MACROD2: variants seen among roughly 807,000 people sequenced by gnomAD.
MACROD2 encodes the protein ADP-ribose glycohydrolase MACROD2.
A neutral mutation model predicts 70.4 loss-of-function variants in MACROD2; 36 were observed. The ratio of observed to expected loss-of-function variants is 0.51; its 90% CI spans 0.39 to 0.68. MACROD2 has a LOEUF of 0.68. Among genes scored for constraint, MACROD2 ranks in the 30% least tolerant of loss-of-function variants. The pLI, the probability that MACROD2 is intolerant of heterozygous loss-of-function variation, is 0.00. For synonymous variants in MACROD2, 172 were observed against 178.8 expected, an observed-to-expected ratio of 0.96 and a Z score of 0.30; for missense variants, 496 against 538.4, an observed-to-expected ratio of 0.92 and a Z score of 0.78.
intron 8 of MACROD2, among the ~76,000 whole-genome samples, chr20:15,696,695 TTTGGTAA>T: frequency 6.6e-6 from 1 of 150,872 alleles, no homozygotes; most frequent in African/African-American, 2.4e-5. Flanking sequence ...TTTTTTTTTT[TTTGGTAA>T]TTTTTTAGTT....
chr20:14,696,196 A>G (rs1036727855), intron 5 of MACROD2, among the ~76,000 whole-genome samples: 4 of 152,160 alleles, frequency 2.6e-5, no homozygotes, highest in African/African-American at 4.8e-5. Flanking sequence ...CGATAGATAG[A>G]TAGATAGTCA....
Position 15,000,629 on chromosome 20 carries a change from C to CAAAAA in MACROD2, c.419-229283_419-229279dup, listed in dbSNP as rs398040701. On this transcript the variant is annotated intron_variant, in intron 5 of 17. Transcript: ENST00000684519. ...TGGGCGACAGAGCGAGACTCCGTCT[C>CAAAAA]AAAAAAAAAAAAAAAAAAAAAAAAA... Among the ~76,000 whole-genome samples the CAAAAA allele has an allele frequency of 7.4e-3, 162 of 21,934 alleles. 24 individuals are homozygous for CAAAAA. The highest frequency in any genetic ancestry group is 0.013 in the African/African-American group (54 of 4,152). 14.4% of individuals were successfully genotyped at this position (21,934 alleles called of 152,430 possible).
intron 5 of MACROD2, among the ~76,000 whole-genome samples, chr20:15,046,079 T>C (rs2075392311): frequency 6.6e-6 from 1 of 152,152 alleles, no homozygotes; most frequent in Non-Finnish European, 1.5e-5. Context: ...TTGAATAATG[T>C]ATATATTTAA....
chr20:15,636,245 C>A (rs1418010597), intron 8 of MACROD2, among the ~76,000 whole-genome samples: 1 of 151,996 alleles, frequency 6.6e-6, no homozygotes, highest in African/African-American at 2.4e-5. Flanking sequence ...ACTTTTGTAT[C>A]CTCAAGTGCT....
At chr20:15,580,653 T>G (rs1206602963) in intron 8 of MACROD2, among the ~76,000 whole-genome samples, 1 of 152,166 alleles carries the variant, frequency 6.6e-6, no homozygotes, top group Non-Finnish European at 1.5e-5. Flanking sequence ...AAACTTCCTC[T>G]TTACCCTCTG....
At chr20:15,794,970 C>A (rs535202917) in intron 8 of MACROD2, among the ~76,000 whole-genome samples, 1 of 152,028 alleles carries the variant, frequency 6.6e-6, no homozygotes, top group Non-Finnish European at 1.5e-5. Context: ...CTTTCCTACC[C>A]CCCACCCAAC....
intron 4 of MACROD2, among the ~76,000 whole-genome samples, chr20:14,503,726 A>C (rs1158763102): frequency 6.6e-6 from 1 of 152,226 alleles, no homozygotes; most frequent in Admixed American, 6.5e-5. Context: ...CTAAAAATCC[A>C]CTAACTCTGC....
At chr20:15,212,442 G>T (rs192821971) in intron 5 of MACROD2, among the ~76,000 whole-genome samples, 4 of 152,056 alleles carry the variant, frequency 2.6e-5, no homozygotes, top group East Asian at 3.9e-4. Flanking sequence ...TTTTTTTGGC[G>T]CTTTGTTATA....
chr20:15,559,842 G>A (rs2048218838), intron 8 of MACROD2, among the ~76,000 whole-genome samples: 1 of 152,136 alleles, frequency 6.6e-6, no homozygotes, highest in Non-Finnish European at 1.5e-5. Context: ...TGGAGTCAAT[G>A]GATAGAAAGA....
intron 5 of MACROD2, among the ~76,000 whole-genome samples, chr20:15,106,193 C>T (rs2075909439): frequency 6.6e-6 from 1 of 152,226 alleles, no homozygotes; most frequent in African/African-American, 2.4e-5. Context: ...TTATAGCATG[C>T]CACTGTCTTG....
chr20:14,600,327 C>T (rs867448854), intron 4 of MACROD2, among the ~76,000 whole-genome samples: 2 of 128,754 alleles, frequency 1.6e-5, no homozygotes, highest in Non-Finnish European at 1.6e-5. Context: ...TATGCAGCTA[C>T]ATATATATAT....
At chr20:15,983,664 C>G (rs1436264779) in intron 13 of MACROD2, among the ~76,000 whole-genome samples, 1 of 152,150 alleles carries the variant, frequency 6.6e-6, no homozygotes, top group African/African-American at 2.4e-5. Flanking sequence ...TGTAGAATCT[C>G]AGAAAAGAGC....
chr20:14,300,436 G>A (rs6105243), intron 3 of MACROD2, among the ~76,000 whole-genome samples: 41,186 of 152,000 alleles, frequency 0.27, 5,812 homozygotes, highest in African/African-American at 0.33. Context: ...GTTCAGGGTC[G>A]CAAAAGAAAC....
At chr20:15,394,955 A>AGGTTCACCT (rs2045841593) in intron 6 of MACROD2, among the ~76,000 whole-genome samples, 2 of 152,348 alleles carry the variant, frequency 1.3e-5, no homozygotes, top group South Asian at 4.1e-4. Flanking sequence ...AGTAGACTTT[A>AGGTTCACCT]TTAATGTCCA....
intron 5 of MACROD2, among the ~76,000 whole-genome samples, chr20:15,200,669 C>T (rs986754079): frequency 1.3e-5 from 2 of 152,130 alleles, no homozygotes; most frequent in African/African-American, 2.4e-5. Flanking sequence ...GGCATGATCC[C>T]GATTTGTAGT....
chr20:15,283,833 T>G (rs2077468256), intron 6 of MACROD2, among the ~76,000 whole-genome samples: 1 of 152,192 alleles, frequency 6.6e-6, no homozygotes. Context: ...ATGCCAACTA[T>G]GTGCACAAGT....
chr20:14,898,579 A>G (rs1386671868), intron 5 of MACROD2, among the ~76,000 whole-genome samples: 1 of 152,138 alleles, frequency 6.6e-6, no homozygotes, highest in Non-Finnish European at 1.5e-5. Context: ...TTACAAAATT[A>G]TGAAAATTAA....
intron 5 of MACROD2, among the ~76,000 whole-genome samples, chr20:14,878,534 A>G (rs963197397): frequency 6.6e-6 from 1 of 152,166 alleles, no homozygotes; most frequent in Non-Finnish European, 1.5e-5. Flanking sequence ...AACATTACAA[A>G]ATAGAGATAG....
chr20:15,702,698 T>C (rs1292928181), intron 8 of MACROD2, among the ~76,000 whole-genome samples: 2 of 152,248 alleles, frequency 1.3e-5, no homozygotes, highest in African/African-American at 4.8e-5. Flanking sequence ...CAGTTTTTAC[T>C]GTTGCTATCA....
Sources: allele counts gnomAD v4.1 joint callset (sites outside exome capture counted in the v4.1 genomes callset), GRCh38; gene constraint gnomAD v4.1.1; transcripts MANE v1.5; gene names NCBI Gene and HGNC (gene_info 2026-07-23, HGNC 2026-07-21).